Variants in LRP1B observed in about 807,000 individuals in gnomAD.
LRP1B encodes LDL receptor related protein 1B.
In LRP1B, 217 loss-of-function variants were observed where a neutral mutation model predicts 556.6. The observed-to-expected ratio is 0.39, with a 90% CI of 0.35 to 0.44. The LOEUF (loss-of-function observed/expected upper bound fraction) is 0.44. Among genes scored for constraint, LRP1B ranks in the 20% least tolerant of loss-of-function variants. The pLI is 1.00. For missense variants in LRP1B, 5,053 were observed against 5,620.8 expected, an observed-to-expected ratio of 0.90 and a Z score of 3.23; for synonymous variants, 2,047 against 1,865.8, an observed-to-expected ratio of 1.10 and a Z score of -2.50.
At chr2:141,967,596 A>T (rs1298659304) in intron 1 of LRP1B, among the ~76,000 whole-genome samples, 1 of 151,782 alleles carries the variant, frequency 6.6e-6, no homozygotes, top group African/African-American at 2.4e-5. Context: ...TATAAATTAG[A>T]CAGTCAGAGA....
At position 140,573,596 on chromosome 2, in the gene LRP1B, G is replaced by A. The variant is rs896175973; in HGVS notation, c.7194+25035C>T. Among the ~76,000 whole-genome samples the A allele has an allele frequency of 5.1e-4, 77 of 151,902 alleles. 2 individuals carry two copies. Among genetic ancestry groups the A allele is most frequent in the Admixed American group, 3.3e-4 (5 of 15,258 alleles). ...TATTCTGTTCCAACTTGACCATTTGGGATTTGATGACAGTCATTCTATGGA... is the reference window on the plus strand; with the variant it reads ...TATTCTGTTCCAACTTGACCATTTGAGATTTGATGACAGTCATTCTATGGA... On this transcript the variant is annotated intron_variant, in intron 43 of 90. Transcript: ENST00000389484.
chr2:140,782,097 C>T (rs1002713922), intron 32 of LRP1B, among the ~76,000 whole-genome samples: 8 of 151,990 alleles, frequency 5.3e-5, no homozygotes, highest in African/African-American at 1.9e-4. Context: ...TGAAGATGTT[C>T]GAATCTTCAG....
intron 68 of LRP1B, among the ~76,000 whole-genome samples, chr2:140,377,043 A>G (rs1683264101): frequency 6.6e-6 from 1 of 152,090 alleles, no homozygotes; most frequent in Non-Finnish European, 1.5e-5. Context: ...AATCATTGCA[A>G]TACAGGAGCC....
chr2:141,267,699 C>T (rs368220461), intron 3 of LRP1B, among the ~76,000 whole-genome samples: 1 of 152,128 alleles, frequency 6.6e-6, no homozygotes, highest in Non-Finnish European at 1.5e-5. Context: ...GAGAAAAATA[C>T]AATTGCCAGT....
At chr2:142,106,791 G>T (rs1048438964) in intron 1 of LRP1B, among the ~76,000 whole-genome samples, 1 of 151,894 alleles carries the variant, frequency 6.6e-6, no homozygotes, top group Admixed American at 6.6e-5. Context: ...AAAGTTGAAG[G>T]TTATATTATG....
Position 140,583,189 on chromosome 2 carries a change from T to TTC in LRP1B, c.7194+15441_7194+15442insGA, listed in dbSNP as rs1288348800. 6.1e-4 allele frequency among the ~76,000 whole-genome samples: 86 copies of TTC among 140,098 alleles called. 1 individual carries two copies. In the East Asian group the frequency reaches 0.017, roughly 28 times the overall value. The allele number at this position is 140,098 out of a possible 152,430, so 91.9% of individuals were successfully genotyped here. A position where few individuals can be genotyped will look rare whatever the true frequency, so the allele number is the denominator to read the frequency against. On this transcript the variant is annotated intron_variant, in intron 43 of 90. Coordinates refer to ENST00000389484, the MANE Select transcript of LRP1B (RefSeq NM_018557.3). ...TTTTTTTCTTTTTTTTTTTTTTTTT[T>TTC]TTTTGAGACAGCATCTCTCTCTGTT... is the stretch of plus-strand genomic sequence containing the variant.
intron 42 of LRP1B, among the ~76,000 whole-genome samples, chr2:140,599,229 C>T (rs1262625693): frequency 6.6e-6 from 1 of 152,038 alleles, no homozygotes; most frequent in Non-Finnish European, 1.5e-5. Context: ...TCATTCTTAT[C>T]CTAAGTATAC....
At chr2:140,617,288 A>G (rs1453445392) in intron 41 of LRP1B, among the ~76,000 whole-genome samples, 1 of 152,022 alleles carries the variant, frequency 6.6e-6, no homozygotes, top group African/African-American at 2.4e-5. Flanking sequence ...TACTCTAAAT[A>G]TCACACAGAT....
chr2:140,676,432 T>C (rs2105369056), intron 41 of LRP1B, among the ~76,000 whole-genome samples: 1 of 152,346 alleles, frequency 6.6e-6, no homozygotes, highest in South Asian at 2.1e-4. Context: ...GCCAATGCTT[T>C]AGAATACTTT....
chr2:141,465,673 C>G (rs1477410737), intron 3 of LRP1B, among the ~76,000 whole-genome samples: 2 of 151,886 alleles, frequency 1.3e-5, no homozygotes, highest in Non-Finnish European at 2.9e-5. Flanking sequence ...CCTCAGCCCC[C>G]CAAGTAGCTA....
At chr2:140,320,296 C>T (rs1397134120) in intron 82 of LRP1B, among the ~76,000 whole-genome samples, 1 of 152,166 alleles carries the variant, frequency 6.6e-6, no homozygotes, top group Non-Finnish European at 1.5e-5. Flanking sequence ...CGCTTCGGCT[C>T]TGCATATCAA....
chr2:141,694,739 T>C (rs1157150236), intron 2 of LRP1B, among the ~76,000 whole-genome samples: 1 of 151,922 alleles, frequency 6.6e-6, no homozygotes, highest in Non-Finnish European at 1.5e-5. Context: ...GATATAATTC[T>C]TACAAAAATT....
intron 1 of LRP1B, among the ~76,000 whole-genome samples, chr2:142,080,729 G>A (rs1199596532): frequency 6.6e-6 from 1 of 151,950 alleles, no homozygotes; most frequent in Non-Finnish European, 1.5e-5. Flanking sequence ...CTATATTTTT[G>A]GTGGGAGATT....
chr2:141,582,114 C>T (rs1205375663), intron 2 of LRP1B, among the ~76,000 whole-genome samples: 1 of 152,056 alleles, frequency 6.6e-6, no homozygotes. Context: ...TTCAGATTTC[C>T]TCATAAATTT....
At chr2:141,159,738 G>A (rs1679917675) in intron 7 of LRP1B, among the ~76,000 whole-genome samples, 2 of 152,070 alleles carry the variant, frequency 1.3e-5, no homozygotes, top group Admixed American at 6.6e-5. Flanking sequence ...AATCAAGAAG[G>A]CAAAAGATGT....
intron 1 of LRP1B, among the ~76,000 whole-genome samples, chr2:141,818,758 G>C (rs577804171): frequency 9.3e-5 from 14 of 150,710 alleles, no homozygotes; most frequent in East Asian, 6.1e-4. Flanking sequence ...GGATGGTCTC[G>C]ATCTCCTGAC....
intron 14 of LRP1B, among the ~76,000 whole-genome samples, chr2:141,008,322 A>G (rs1697640586): frequency 6.6e-6 from 1 of 151,260 alleles, no homozygotes; most frequent in Non-Finnish European, 1.5e-5. Context: ...TCTCATTTGC[A>G]AGTAGGAATA....
intron 66 of LRP1B, among the ~76,000 whole-genome samples, chr2:140,438,564 T>C (rs1686290565): frequency 6.6e-6 from 1 of 152,224 alleles, no homozygotes; most frequent in South Asian, 2.1e-4. Flanking sequence ...AACATGTTGA[T>C]AGGTTCTGTC....
intron 4 of LRP1B, among the ~76,000 whole-genome samples, chr2:141,251,926 T>A (rs550273465): frequency 1.3e-5 from 2 of 152,116 alleles, no homozygotes; most frequent in African/African-American, 4.8e-5. Context: ...CATGTGATTC[T>A]ACAATCATAG....
Sources: allele counts gnomAD v4.1 joint callset (sites outside exome capture counted in the v4.1 genomes callset), GRCh38; gene constraint gnomAD v4.1.1; transcripts MANE v1.5; gene names NCBI Gene and HGNC (gene_info 2026-07-23, HGNC 2026-07-21).